Variants in CRIM1 observed in about 807,000 individuals in gnomAD.
CRIM1 encodes cysteine-rich motor neuron 1 protein.
In CRIM1, 32 loss-of-function variants were observed where a neutral mutation model predicts 116.4. That is an observed-to-expected ratio of 0.27 (90% CI 0.21 to 0.37). The LOEUF is 0.37. CRIM1 is among the 10% of genes least tolerant of loss of function. CRIM1 has a pLI of 1.00. For synonymous variants in CRIM1, 590 were observed against 509.2 expected, an observed-to-expected ratio of 1.16 and a Z score of -2.13; for missense variants, 1,331 against 1,354.8, an observed-to-expected ratio of 0.98 and a Z score of 0.28.
chr2:36,419,552 G>A (rs1289282492), intron 2 of CRIM1, among the ~76,000 whole-genome samples: 1 of 152,142 alleles, frequency 6.6e-6, no homozygotes, highest in African/African-American at 2.4e-5. Flanking sequence ...AATGTACCAC[G>A]TTCTTAGTAC....
At chr2:36,525,233 C>T (rs532980601) in intron 13 of CRIM1, among the ~76,000 whole-genome samples, 5 of 152,188 alleles carry the variant, frequency 3.3e-5, no homozygotes, top group African/African-American at 7.2e-5. Context: ...TTGCAAGTAG[C>T]GTTGTTAGAT....
At position 36,356,041 on chromosome 2, in the gene CRIM1, GGGAGGAGGA is replaced by G. The variant is rs528109428; in HGVS notation, c.-237_-229del. ...TTTTTCTTTTTTCCCCCTCCCTCCC[GGGAGGAGGA>G]GGAGGAGGAGGAGGGGAAGCTGCCG... On this transcript the variant is annotated 5_prime_UTR_variant, in exon 1 of 17. Transcript: ENST00000280527. The surrounding 1 kb of genome is among the most constrained non-coding windows in gnomAD (Gnocchi z 4.3). The G allele has an allele frequency of 2.6e-5, 4 of 152,558 alleles. No individual in the cohort carries two copies. The highest frequency in any genetic ancestry group is 7.3e-5 in the African/African-American group (3 of 41,170). 9.5% of individuals were successfully genotyped at this position (152,558 alleles called of 1,614,324 possible).
chr2:36,395,509 A>C (rs987370832), intron 1 of CRIM1, among the ~76,000 whole-genome samples: 1 of 152,220 alleles, frequency 6.6e-6, no homozygotes, highest in Admixed American at 6.5e-5. Context: ...TAATGGCCCA[A>C]GGATTCACAG....
At chr2:36,368,492 T>C (rs545145752) in intron 1 of CRIM1, among the ~76,000 whole-genome samples, 1 of 152,342 alleles carries the variant, frequency 6.6e-6, no homozygotes, top group African/African-American at 2.4e-5. Flanking sequence ...CTCTAAAACT[T>C]AAAGTAATAG....
At chr2:36,452,376 A>C (rs1676798935) in intron 4 of CRIM1, among the ~76,000 whole-genome samples, 1 of 152,196 alleles carries the variant, frequency 6.6e-6, no homozygotes, top group Non-Finnish European at 1.5e-5. Flanking sequence ...TTTGAAGCTC[A>C]TCTTTCTCAA....
At chr2:36,537,816 AATG>A (rs1666659992) in intron 14 of CRIM1, among the ~76,000 whole-genome samples, 1 of 152,182 alleles carries the variant, frequency 6.6e-6, no homozygotes, top group South Asian at 2.1e-4. Context: ...CCAACCTGTT[AATG>A]ACACCTGCCC....
intron 14 of CRIM1, among the ~76,000 whole-genome samples, chr2:36,538,693 C>T (rs750482874): frequency 1.1e-4 from 16 of 152,102 alleles, no homozygotes; most frequent in Non-Finnish European, 2.1e-4. Context: ...GGATGTTCTG[C>T]AAGGTAAGGG....
intron 2 of CRIM1, among the ~76,000 whole-genome samples, chr2:36,402,867 G>C (rs1358096777): frequency 1.3e-5 from 2 of 151,966 alleles, no homozygotes; most frequent in Admixed American, 1.3e-4. Context: ...GATTTAGGAA[G>C]GACCCAGGAG....
chr2:36,458,147 A>G (rs558927072), intron 4 of CRIM1, among the ~76,000 whole-genome samples: 1 of 152,326 alleles, frequency 6.6e-6, no homozygotes, highest in East Asian at 1.9e-4. Flanking sequence ...CCTCTAGGAT[A>G]CGGGCAGAGG....
At chr2:36,455,558 A>G (rs1677073107) in intron 4 of CRIM1, among the ~76,000 whole-genome samples, 1 of 152,162 alleles carries the variant, frequency 6.6e-6, no homozygotes, top group Non-Finnish European at 1.5e-5. Flanking sequence ...TGCCCTCTAA[A>G]GCGTTGGATA....
intron 2 of CRIM1, among the ~76,000 whole-genome samples, chr2:36,415,788 TAGTCTA>T (rs1346288673): frequency 2.0e-5 from 3 of 152,224 alleles, no homozygotes; most frequent in African/African-American, 7.2e-5. Flanking sequence ...TTATTATACT[TAGTCTA>T]TGTCTGTGTG....
chr2:36,372,005 C>T (rs940731324), intron 1 of CRIM1, among the ~76,000 whole-genome samples: 1 of 152,160 alleles, frequency 6.6e-6, no homozygotes, highest in Admixed American at 6.5e-5. Context: ...GTTGATTAAT[C>T]AGGAGGGTGT....
intron 13 of CRIM1, among the ~76,000 whole-genome samples, chr2:36,526,525 A>AT (rs1161687496): frequency 6.6e-6 from 1 of 152,132 alleles, no homozygotes; most frequent in African/African-American, 2.4e-5. Flanking sequence ...TGAAGTCTTT[A>AT]TTTCATGACT....
In CRIM1 at chr2:36,356,338, C is replaced by T. The variant is rs772633784; in HGVS notation, c.46C>T (p.Leu16Phe). The change falls in exon 1 of 17, where the codon CTC becomes TTC. Residue 16 changes from leucine to phenylalanine, a missense_variant. By Grantham distance (22) the Leu-to-Phe change is conservative (BLOSUM62 0). Around this residue, in one of 3 missense-constraint regions of CRIM1, gnomAD observed 690 missense variants for 676.0 expected, o/e 1.02. Coordinates refer to ENST00000280527, the MANE Select transcript of CRIM1 (RefSeq NM_016441.3). The surrounding 1 kb of genome is among the most constrained non-coding windows in gnomAD (Gnocchi z 4.3). ...GDRGLAGCGH[L>F]LVSLLGLLLL... ...CAGGGGGTTGGCCGGCTGCGGGCAC[C>T]TCCTGGTCTCGCTGCTGGGGCTGCT... The T allele has an allele frequency of 1.9e-6, 3 of 1,588,844 alleles. No individual in the cohort carries two copies. Among genetic ancestry groups the T allele is most frequent in the East Asian group, 2.3e-5 (1 of 43,782 alleles).
intron 5 of CRIM1, among the ~76,000 whole-genome samples, chr2:36,471,556 A>G (rs545544944): frequency 7.2e-5 from 11 of 152,168 alleles, no homozygotes; most frequent in African/African-American, 2.4e-4. Context: ...GCAATAAAGT[A>G]TTTTAAATTA....
chr2:36,544,732 CTT>C (rs534491986), intron 15 of CRIM1, among the ~76,000 whole-genome samples: 27 of 152,234 alleles, frequency 1.8e-4, no homozygotes, highest in African/African-American at 6.3e-4. Flanking sequence ...TGCTCAGAGA[CTT>C]TGTGATGACG....
At chr2:36,497,421 T>G (rs1680678167) in intron 7 of CRIM1, among the ~76,000 whole-genome samples, 1 of 152,142 alleles carries the variant, frequency 6.6e-6, no homozygotes, top group Non-Finnish European at 1.5e-5. Context: ...AATAGAATCA[T>G]TATTTGGGGT....
chr2:36,486,518 G>T (rs1488545292), intron 7 of CRIM1, among the ~76,000 whole-genome samples: 3 of 152,144 alleles, frequency 2.0e-5, no homozygotes, highest in Non-Finnish European at 2.9e-5. Flanking sequence ...TAAATGTTCA[G>T]AATTGTTGAG....
At chr2:36,380,395 A>G (rs1302794616) in intron 1 of CRIM1, among the ~76,000 whole-genome samples, 9 of 152,124 alleles carry the variant, frequency 5.9e-5, no homozygotes. Context: ...ATGGGGCCAC[A>G]GTTGTCCAGT....
Sources: gnomAD v4.1 joint callset for allele counts (sites outside exome capture counted in the v4.1 genomes callset) on GRCh38, gnomAD v4.1.1 for gene constraint, gnomAD v4.1.1 regional missense constraint, Gnocchi (gnomAD v3.1) non-coding constraint, MANE v1.5 for transcripts, NCBI Gene and HGNC (gene_info 2026-07-23, HGNC 2026-07-21) for gene names.